Variants in GALNT10 observed in about 807,000 individuals in gnomAD.
GALNT10 encodes polypeptide N-acetylgalactosaminyltransferase 10, also known as GalNAc transferase 10.
A neutral mutation model predicts 75.0 loss-of-function variants in GALNT10; 41 were observed. The ratio of observed to expected loss-of-function variants is 0.55; its 90% CI spans 0.43 to 0.71. The LOEUF is 0.71. GALNT10 is among the 30% of genes least tolerant of loss of function. The pLI is 0.00. For missense variants in GALNT10, 727 were observed against 818.5 expected (o/e 0.89, Z 1.36); for synonymous variants, 302 against 313.0 (o/e 0.96, Z 0.37).
intron 4 of GALNT10, among the ~76,000 whole-genome samples, chr5:154,354,933 T>A (rs1031460801): frequency 2.0e-5 from 3 of 152,178 alleles, no homozygotes; most frequent in African/African-American, 7.2e-5. Context: ...CAGCTCCAAG[T>A]CCATGTGATA....
intron 1 of GALNT10, among the ~76,000 whole-genome samples, chr5:154,287,050 T>A (rs1019485270): frequency 6.6e-5 from 10 of 152,360 alleles, no homozygotes; most frequent in African/African-American, 2.4e-4. Context: ...CCTCAGCCTA[T>A]GAAAAGGGGA....
Position 154,292,837 on chromosome 5 carries a change from C to CAGG in GALNT10, c.160-1978_160-1977insGGA, listed in dbSNP as rs1295339500. The stretch of plus-strand genomic sequence containing the variant: ...CCCCTACTCTCTGCCTTCCTCTTCC[C>CAGG]AAGGCAGTGCCGGGGTCCCCTCCTG... On this transcript the variant is annotated intron_variant, in intron 1 of 11. Transcript: ENST00000297107. Among the ~76,000 whole-genome samples the CAGG allele has an allele frequency of 3.5e-4, 54 of 152,148 alleles. 1 individual carries two copies. The highest frequency in any genetic ancestry group is 1.3e-4 in the Non-Finnish European group (9 of 68,036).
intron 4 of GALNT10, among the ~76,000 whole-genome samples, chr5:154,357,190 A>AG (rs1397703261): frequency 5.9e-5 from 9 of 152,174 alleles, no homozygotes; most frequent in Admixed American, 5.2e-4. Flanking sequence ...GTTTGGTGTA[A>AG]GGGAACTACC....
At chr5:154,327,614 C>G (rs531977831) in intron 3 of GALNT10, among the ~76,000 whole-genome samples, 1 of 152,160 alleles carries the variant, frequency 6.6e-6, no homozygotes, top group Non-Finnish European at 1.5e-5. Flanking sequence ...AATTGACCAT[C>G]GTTGGAGGAT....
chr5:154,380,959 C>T (rs1755724631), intron 6 of GALNT10, among the ~76,000 whole-genome samples: 2 of 152,154 alleles, frequency 1.3e-5, no homozygotes, highest in Non-Finnish European at 1.5e-5. Flanking sequence ...CACCAAGTGC[C>T]CAGCCCAGTA....
intron 4 of GALNT10, among the ~76,000 whole-genome samples, chr5:154,350,133 C>T (rs2113142720): frequency 1.3e-5 from 2 of 152,238 alleles, no homozygotes; most frequent in Middle Eastern, 3.4e-3. Context: ...GGCTGCTCTG[C>T]CTATGCAGTA....
intron 1 of GALNT10, among the ~76,000 whole-genome samples, chr5:154,224,778 C>CT (rs549615789): frequency 0.33 from 38,327 of 117,594 alleles, 7,461 homozygotes; most frequent in East Asian, 0.65. Flanking sequence ...AAGCTCACTT[C>CT]TTTTTTTTTT....
At chr5:154,249,918 A>G (rs1279682835) in intron 1 of GALNT10, among the ~76,000 whole-genome samples, 2 of 152,102 alleles carry the variant, frequency 1.3e-5, no homozygotes, top group Non-Finnish European at 2.9e-5. Context: ...TTTCTTGACC[A>G]CACTCTAGGC....
chr5:154,296,862 A>G (rs1754282508), intron 2 of GALNT10, among the ~76,000 whole-genome samples: 1 of 152,148 alleles, frequency 6.6e-6, no homozygotes, highest in Non-Finnish European at 1.5e-5. Context: ...ATGATGTCTT[A>G]TGAAGCATTA....
chr5:154,359,895 A>C (rs1197193724), intron 4 of GALNT10, among the ~76,000 whole-genome samples: 2 of 151,872 alleles, frequency 1.3e-5, no homozygotes, highest in Non-Finnish European at 2.9e-5. Context: ...GGTGGGACTA[A>C]AATTGGGAAA....
intron 1 of GALNT10, among the ~76,000 whole-genome samples, chr5:154,192,880 T>G (rs955041988): frequency 5.3e-5 from 8 of 152,188 alleles, no homozygotes; most frequent in African/African-American, 1.4e-4. Context: ...CATCCTGATT[T>G]TCATTTCTGT....
intron 1 of GALNT10, among the ~76,000 whole-genome samples, chr5:154,292,867 A>T (rs1278587380): frequency 1.3e-5 from 2 of 152,098 alleles, no homozygotes; most frequent in Non-Finnish European, 2.9e-5. Context: ...CTCCTGTAGA[A>T]CTGTATCCTG....
intron 1 of GALNT10, among the ~76,000 whole-genome samples, chr5:154,223,958 C>T (rs944546270): frequency 4.0e-5 from 6 of 151,748 alleles, no homozygotes; most frequent in Admixed American, 1.3e-4. Context: ...AACAGCAGAA[C>T]AATTGGAGGG....
chr5:154,300,628 A>C (rs1754344850), intron 3 of GALNT10, among the ~76,000 whole-genome samples: 1 of 152,302 alleles, frequency 6.6e-6, no homozygotes, highest in African/African-American at 2.4e-5. Context: ...CATAGTATAT[A>C]TGTAGGTCTT....
intron 5 of GALNT10, among the ~76,000 whole-genome samples, chr5:154,378,427 G>C (rs889723158): frequency 6.6e-6 from 1 of 152,116 alleles, no homozygotes; most frequent in African/African-American, 2.4e-5. Context: ...AGGCAGACCA[G>C]GCATCATTAT....
chr5:154,293,239 G>A (rs1754222007), intron 1 of GALNT10, among the ~76,000 whole-genome samples: 1 of 152,202 alleles, frequency 6.6e-6, no homozygotes, highest in African/African-American at 2.4e-5. Flanking sequence ...GGCCTTTGAA[G>A]TTAATTATAT....
At chr5:154,318,434 A>G (rs1754629037) in intron 3 of GALNT10, among the ~76,000 whole-genome samples, 1 of 101,300 alleles carries the variant, frequency 9.9e-6, no homozygotes, top group Non-Finnish European at 2.1e-5. Context: ...AATTATCCCT[A>G]TAAAATACTA....
intron 4 of GALNT10, among the ~76,000 whole-genome samples, chr5:154,371,344 A>G (rs572703979): frequency 7.0e-4 from 107 of 152,222 alleles, no homozygotes; most frequent in African/African-American, 2.5e-3. Context: ...AGCCACATTC[A>G]CAACAACCAG....
intron 1 of GALNT10, among the ~76,000 whole-genome samples, chr5:154,218,753 T>G (rs1027479189): frequency 1.5e-4 from 22 of 151,386 alleles, no homozygotes; most frequent in Non-Finnish European, 2.4e-4. Flanking sequence ...TGGGAAGAAG[T>G]TCCTGTTCTG....
Sources: allele counts gnomAD v4.1 joint callset (sites outside exome capture counted in the v4.1 genomes callset), GRCh38; gene constraint gnomAD v4.1.1; transcripts MANE v1.5; gene names NCBI Gene and HGNC (gene_info 2026-07-23, HGNC 2026-07-21).